OGDH: variants seen among roughly 807,000 people sequenced by gnomAD.
The protein encoded by OGDH is oxoglutarate dehydrogenase.
Under a neutral mutation model 116.6 loss-of-function variants are expected in OGDH, and 38 were observed. That is an observed-to-expected ratio of 0.33 (90% CI 0.25 to 0.43). The LOEUF (loss-of-function observed/expected upper bound fraction) is 0.43. OGDH is among the 20% of genes least tolerant of loss of function. OGDH has a pLI of 1.00. For synonymous variants in OGDH, 488 were observed against 533.3 expected, an observed-to-expected ratio of 0.92 and a Z score of 1.17; for missense variants, 825 against 1,357.2, an observed-to-expected ratio of 0.61 and a Z score of 6.16.
chr7:44,637,476 T>C (rs563520506), intron 2 of OGDH, among the ~76,000 whole-genome samples: 2 of 152,348 alleles, frequency 1.3e-5, no homozygotes, highest in East Asian at 3.9e-4. Flanking sequence ...TTAATAGATA[T>C]TTGTTGAATT....
At position 44,624,371 on chromosome 7, in the gene OGDH, A is replaced by G. The variant is rs1248956012; in HGVS notation, c.28A>G (p.Lys10Glu). Residue 10 changes from lysine to glutamate, a missense_variant, in exon 2 of 23, where the codon AAG becomes GAG. This residue lies in a region of OGDH where 126 missense variants were observed against 130.4 expected (regional missense o/e 0.97). Transcript: ENST00000222673. ...GTTTCATTTAAGGACTTGTGCTGCT[A>G]AGTTGAGGCCATTGACGGCTTCCCA... is the stretch of plus-strand genomic sequence containing the variant. MFHLRTCAA[K>E]LRPLTASQTV... 12 of 1,595,786 alleles carry G rather than the reference A, an allele frequency of 7.5e-6. No homozygotes were observed. The highest frequency in any genetic ancestry group is 9.3e-6 in the Non-Finnish European group (11 of 1,176,674).
At chr7:44,637,373 A>G (rs1162764748) in intron 2 of OGDH, among the ~76,000 whole-genome samples, 2 of 152,166 alleles carry the variant, frequency 1.3e-5, no homozygotes, top group Non-Finnish European at 2.9e-5. Context: ...CTGTGAATTT[A>G]CACGTTTACT....
At chr7:44,673,411 C>G (rs899093153) in intron 5 of OGDH, among the ~76,000 whole-genome samples, 2 of 152,228 alleles carry the variant, frequency 1.3e-5, no homozygotes, top group African/African-American at 4.8e-5. Flanking sequence ...GTCATGGGTG[C>G]TGGTACAGGT....
intron 4 of OGDH, among the ~76,000 whole-genome samples, chr7:44,649,456 C>A (rs1433828481): frequency 6.6e-6 from 1 of 151,800 alleles, no homozygotes; most frequent in Non-Finnish European, 1.5e-5. Flanking sequence ...CACCATGTCG[C>A]CCACCTCAGC....
intron 1 of OGDH, among the ~76,000 whole-genome samples, chr7:44,615,129 A>C (rs994638907): frequency 4.6e-5 from 7 of 152,092 alleles, no homozygotes; most frequent in Non-Finnish European, 8.8e-5. Flanking sequence ...CCATGCCCGG[A>C]CAAGATTATC....
chr7:44,650,013 A>G (rs952744643), intron 4 of OGDH, among the ~76,000 whole-genome samples: 1 of 152,320 alleles, frequency 6.6e-6, no homozygotes, highest in South Asian at 2.1e-4. Context: ...TTTGAGGAGG[A>G]AAACTTCTGA....
At chr7:44,700,029 A>T (rs1788757731) in intron 18 of OGDH, 112 bp from the exon 19 acceptor site, 1 of 1,170,868 alleles carries the variant, frequency 8.5e-7, no homozygotes, top group Non-Finnish European at 1.2e-6. Context: ...ACAATTCAAC[A>T]TGAGATTTGG....
chr7:44,698,295 T>TA (rs571113231), intron 18 of OGDH, 32 bp downstream of exon 18: 236 of 1,609,066 alleles, frequency 1.5e-4, no homozygotes, highest in Non-Finnish European at 1.9e-4. Context: ...AGCCCAGCCA[T>TA]TCTCGGGGTG....
rs1322802656 is a variant in OGDH at position 44,653,846 on chromosome 7, T to TA, written c.517+6088dup. Among the ~76,000 whole-genome samples the TA allele has an allele frequency of 4.0e-5, 6 of 151,400 alleles. No individual in the cohort carries two copies. The East Asian group carries it at 5.9e-4, about 15-fold the overall frequency. On this transcript the variant is annotated intron_variant, in intron 4 of 22. Transcript: ENST00000222673. ...TGGCCTAATTAAATTTGTTTTTTTTTATTTTTATTTTATTTTATTTTTTTT... is the reference window on the plus strand; with the variant it reads ...TGGCCTAATTAAATTTGTTTTTTTTTAATTTTTATTTTATTTTATTTTTTTT...
intron 2 of OGDH, 144 bp downstream of exon 2, chr7:44,624,709 G>A (rs1259093178): frequency 4.8e-5 from 34 of 708,220 alleles, no homozygotes; most frequent in Non-Finnish European, 8.1e-5. Context: ...ATCTGTATCG[G>A]ACCCAGCATA....
At chr7:44,671,388 A>G (rs1191862639) in intron 5 of OGDH, among the ~76,000 whole-genome samples, 2 of 152,168 alleles carry the variant, frequency 1.3e-5, no homozygotes, top group African/African-American at 4.8e-5. Flanking sequence ...CACAAACAAA[A>G]CATCTCCCAT....
chr7:44,608,797 A>G (rs1784453451), intron 1 of OGDH, among the ~76,000 whole-genome samples: 1 of 152,180 alleles, frequency 6.6e-6, no homozygotes, highest in Non-Finnish European at 1.5e-5. Context: ...TCATTGTACA[A>G]ATTATTGAGA....
At chr7:44,624,696 C>G (rs1029021439) in intron 2 of OGDH, 131 bp downstream of exon 2, 3 of 762,470 alleles carry the variant, frequency 3.9e-6, no homozygotes, top group Non-Finnish European at 6.9e-6. Context: ...TACCAACCAC[C>G]GTATCTGTAT....
At chr7:44,685,160 G>C (rs1182466346) in intron 10 of OGDH, among the ~76,000 whole-genome samples, 1 of 152,014 alleles carries the variant, frequency 6.6e-6, no homozygotes, top group East Asian at 1.9e-4. Flanking sequence ...GAACAGTTTA[G>C]TGGTATTAAA....
chr7:44,670,362 C>A (rs1452258568), intron 5 of OGDH, among the ~76,000 whole-genome samples: 1 of 152,044 alleles, frequency 6.6e-6, no homozygotes, highest in African/African-American at 2.4e-5. Flanking sequence ...CACCCCTCAC[C>A]AGTGGGTCAT....
rs1190203021 is a variant in OGDH at position 44,645,396 on chromosome 7, C to A, written c.292C>A (p.Pro98Thr). ...PPGTAYQSPL[P>T]LSRGSLAAVA... Reference sequence around the variant, plus strand: ...GGGCACTGCCTACCAGAGTCCCCTTCCCCTGAGCCGAGGCTCCCTGGCTGC... The same window carrying A: ...GGGCACTGCCTACCAGAGTCCCCTTACCCTGAGCCGAGGCTCCCTGGCTGC... Residue 98 changes from proline (P) to threonine (T), a missense_variant, in exon 3 of 23, where the codon CCC becomes ACC. Physicochemically the swap from Pro to Thr is conservative, Grantham distance 38 (BLOSUM62 -1). Around this residue, in one of 7 missense-constraint regions of OGDH, gnomAD observed 126 missense variants for 130.4 expected, o/e 0.97. Transcript: ENST00000222673. 6.2e-7 allele frequency: 1 copy of A among 1,614,204 alleles called. No homozygotes were observed. Among genetic ancestry groups the A allele is most frequent in the East Asian group, 2.2e-5 (1 of 44,886 alleles).
chr7:44,660,194 A>G (rs1221843795), intron 4 of OGDH, among the ~76,000 whole-genome samples: 1 of 152,188 alleles, frequency 6.6e-6, no homozygotes, highest in Non-Finnish European at 1.5e-5. Flanking sequence ...GCATGGTCAC[A>G]GCTCACTGCA....
In OGDH at chr7:44,645,512, A is replaced by G; in HGVS notation, c.408A>G (p.Ala136=). ...DHLAVQSLIR[A]YQIRGHHVAQ... is the part of the protein sequence containing the mutation. The stretch of plus-strand genomic sequence containing the variant: ...TGGCAGTGCAGTCGCTCATCAGGGC[A>G]TATCAGGTAAGGCGGGTGCTTTACC... The change falls in exon 3 of 23, where the codon GCA becomes GCG. Residue 136 remains alanine (A), a synonymous_variant. Transcript: ENST00000222673. 2 of 1,614,076 alleles carry G rather than the reference A, an allele frequency of 1.2e-6. No homozygotes were observed. The highest frequency in any genetic ancestry group is 1.7e-6 in the Non-Finnish European group (2 of 1,179,966).
chr7:44,688,431 C>CT (rs375502677), intron 10 of OGDH, among the ~76,000 whole-genome samples: 118,474 of 128,170 alleles, frequency 0.92, 54,984 homozygotes, highest in African/African-American at 0.95. Flanking sequence ...TTTATATATA[C>CT]TTTTTTTTTT....
Sources: allele counts gnomAD v4.1 joint callset (sites outside exome capture counted in the v4.1 genomes callset), GRCh38; gene constraint gnomAD v4.1.1; regional missense constraint gnomAD v4.1.1; transcripts MANE v1.5; gene names NCBI Gene and HGNC (gene_info 2026-07-23, HGNC 2026-07-21).